The following CLIP2 variants were observed in gnomAD, a reference collection of about 807,000 sequenced individuals.
The protein encoded by CLIP2 is CAP-Gly domain-containing linker protein 2.
Under a neutral mutation model 111.7 loss-of-function variants are expected in CLIP2, and 41 were observed. That is an observed-to-expected ratio of 0.37 (90% CI 0.29 to 0.48). The LOEUF is 0.48. Among genes scored for constraint, CLIP2 ranks in the 20% least tolerant of loss-of-function variants. The pLI is 0.99. For synonymous variants in CLIP2, 660 were observed against 644.2 expected, an observed-to-expected ratio of 1.02 and a Z score of -0.37; for missense variants, 1,160 against 1,422.1, an observed-to-expected ratio of 0.82 and a Z score of 2.96.
chr7:74,334,362 G>T (rs1011622012), intron 2 of CLIP2, among the ~76,000 whole-genome samples: 5 of 152,106 alleles, frequency 3.3e-5, no homozygotes, highest in African/African-American at 4.8e-5. Context: ...GAAACAACTG[G>T]TCCCTGGGCC....
intron 6 of CLIP2, 47 bp from the exon 7 acceptor site, chr7:74,360,128 T>G (rs367722388): frequency 2.0e-6 from 3 of 1,494,518 alleles, no homozygotes; most frequent in African/African-American, 2.8e-5. Context: ...CTGGACCCCA[T>G]ACCCCGGAGC....
chr7:74,335,701 CTT>C (rs1789432305), intron 2 of CLIP2, among the ~76,000 whole-genome samples: 1 of 119,796 alleles, frequency 8.3e-6, no homozygotes, highest in Middle Eastern at 4.4e-3. Context: ...CTCTTTTTTT[CTT>C]TCTTTTTTTC....
At chr7:74,347,207 G>A (rs782107122) in intron 3 of CLIP2, among the ~76,000 whole-genome samples, 4 of 152,146 alleles carry the variant, frequency 2.6e-5, no homozygotes, top group Non-Finnish European at 4.4e-5. Context: ...GGATGACAGA[G>A]AATTATTGGA....
At chr7:74,339,086 C>T in intron 3 of CLIP2, 82 bp downstream of exon 3, 1 of 1,388,286 alleles carries the variant, frequency 7.2e-7, no homozygotes, top group Non-Finnish European at 9.7e-7. Context: ...CTGGACCCCC[C>T]TGGGCTGGGC....
chr7:74,386,043 C>CTTTTTTT (rs71519330), intron 11 of CLIP2, among the ~76,000 whole-genome samples: 1 of 124,076 alleles, frequency 8.1e-6, no homozygotes. Flanking sequence ...CGCCCAGCCT[C>CTTTTTTT]TTTTTTTTTT....
intron 1 of CLIP2, among the ~76,000 whole-genome samples, chr7:74,300,899 C>T (rs1564025384): frequency 6.6e-6 from 1 of 152,176 alleles, no homozygotes; most frequent in South Asian, 2.1e-4. Flanking sequence ...CATACCAGTG[C>T]TGGTATCCTT....
rs1463098392 is a variant in CLIP2 at position 74,405,031 on chromosome 7, C to T, written c.*1183C>T. On this transcript the variant is annotated 3_prime_UTR_variant, in exon 17 of 17. Coordinates refer to ENST00000223398, the MANE Select transcript of CLIP2 (RefSeq NM_003388.5). The stretch of plus-strand genomic sequence containing the variant: ...GTGTTTGCCACATGGAGCATCCCTT[C>T]CTGGTCTTGCCAGGCACCTGCACAG... 2 of 152,286 alleles carry T rather than the reference C, an allele frequency of 1.3e-5. No homozygotes were observed. The highest frequency in any genetic ancestry group is 6.5e-5 in the Admixed American group (1 of 15,276). The allele number at this position is 152,286 out of a possible 1,614,324, so 9.4% of individuals were successfully genotyped here.
chr7:74,363,241 A>G (rs1790383292), intron 7 of CLIP2, among the ~76,000 whole-genome samples: 1 of 152,110 alleles, frequency 6.6e-6, no homozygotes, highest in Admixed American at 6.5e-5. Context: ...ACCTCAGGTG[A>G]TCCGCCCACC....
Position 74,403,819 on chromosome 7 carries a change from GC to G in CLIP2, c.3130-15del. On this transcript the variant is annotated splice_polypyrimidine_tract_variant and intron_variant, in intron 16 of 16. Coordinates refer to ENST00000223398, the MANE Select transcript of CLIP2 (RefSeq NM_003388.5). ...GCTCTCTGAGACCCTTGCTGATGAT[GC>G]CCTTTACTCTCTCTAGGACAAGCAC... is the stretch of plus-strand genomic sequence containing the variant. 1 of 1,612,996 alleles carries G rather than the reference GC, an allele frequency of 6.2e-7. No homozygotes were observed. Among genetic ancestry groups the G allele is most frequent in the Non-Finnish European group, 8.5e-7 (1 of 1,179,692 alleles).
At chr7:74,346,679 C>T (rs1001370831) in intron 3 of CLIP2, among the ~76,000 whole-genome samples, 31 of 142,658 alleles carry the variant, frequency 2.2e-4, no homozygotes, top group Non-Finnish European at 3.9e-4. Context: ...GCTGAGATCA[C>T]GCTGCTGCAC....
chr7:74,399,535 C>CT (rs1320207309), intron 14 of CLIP2, among the ~76,000 whole-genome samples: 234 of 51,882 alleles, frequency 4.5e-3, no homozygotes, highest in Admixed American at 9.4e-3. Flanking sequence ...GAGACTCAGT[C>CT]TTTTTTTGGG....
intron 7 of CLIP2, among the ~76,000 whole-genome samples, chr7:74,362,116 A>G (rs2116621139): frequency 6.6e-6 from 1 of 151,654 alleles, no homozygotes; most frequent in African/African-American, 2.4e-5. Context: ...AAAAAAAAAA[A>G]GTCACAAGTG....
rs2528483 is a variant in CLIP2, at chr7:74,305,865, A to T, written c.-67-11615A>T. Among the ~76,000 whole-genome samples, 4 of 75,076 alleles carry T rather than the reference A, an allele frequency of 5.3e-5. 2 individuals are homozygous for T. Among genetic ancestry groups the T allele is most frequent in the East Asian group, 7.9e-4 (2 of 2,526 alleles). 49.3% of individuals were successfully genotyped at this position (75,076 alleles called of 152,430 possible). A position where few individuals can be genotyped will look rare whatever the true frequency, so the allele number is the denominator to read the frequency against. Reference sequence around the variant, plus strand: ...TCTCCCTGCACCCCAACCCCCCCCCACCGCCCCTGCTGCCAGTTCACCATC... The same window carrying T: ...TCTCCCTGCACCCCAACCCCCCCCCTCCGCCCCTGCTGCCAGTTCACCATC... On this transcript the variant is annotated intron_variant, in intron 1 of 16. Coordinates refer to ENST00000223398, the MANE Select transcript of CLIP2 (RefSeq NM_003388.5).
rs782019118 is a variant in CLIP2 at position 74,401,744 on chromosome 7, T to C, written c.3129+177T>C. The stretch of plus-strand genomic sequence containing the variant: ...ACTTGATTCCAGATTCACCCTGCTC[T>C]TTTTGATTTGTGTTTTCTTCCCTTC... On this transcript the variant is annotated intron_variant, in intron 16 of 16. Coordinates refer to ENST00000223398, the MANE Select transcript of CLIP2 (RefSeq NM_003388.5). 9.0e-5 allele frequency: 66 copies of C among 731,426 alleles called. No homozygotes were observed. In the Admixed American group the frequency reaches 1.1e-3, roughly 12 times the overall value. The allele number at this position is 731,426 out of a possible 1,614,324, so 45.3% of individuals were successfully genotyped here.
At position 74,400,414 on chromosome 7, in the gene CLIP2, C is replaced by T. The variant is rs200262099; in HGVS notation, c.2925C>T (p.Ile975=). Residue 975 remains isoleucine, a synonymous_variant, in exon 15 of 17, where the codon ATC becomes ATT. Coordinates refer to ENST00000223398, the MANE Select transcript of CLIP2 (RefSeq NM_003388.5). ...SLSDQRRYSL[I]DRSSAPELLR... Reference sequence around the variant, plus strand: ...CGGATCAGAGGCGCTACTCCCTCATCGACCGGTCCTCGGCGCCCGAGCTTC... The same window carrying T: ...CGGATCAGAGGCGCTACTCCCTCATTGACCGGTCCTCGGCGCCCGAGCTTC... 17 of 1,613,670 alleles carry T rather than the reference C, an allele frequency of 1.1e-5. No homozygotes were observed. In the East Asian group the frequency reaches 1.1e-4, roughly 11 times the overall value.
chr7:74,382,986 G>A (rs202130278), intron 11 of CLIP2, among the ~76,000 whole-genome samples: 2 of 151,156 alleles, frequency 1.3e-5, no homozygotes, highest in Non-Finnish European at 2.9e-5. Context: ...AAGGTGAGGC[G>A]GGAGGATCTC....
intron 2 of CLIP2, among the ~76,000 whole-genome samples, chr7:74,334,115 G>C (rs1789378808): frequency 6.6e-6 from 1 of 152,198 alleles, no homozygotes; most frequent in African/African-American, 2.4e-5. Flanking sequence ...GGGAAGGCCA[G>C]ACTTGGCTCG....
chr7:74,343,087 T>C (rs551152899), intron 3 of CLIP2, among the ~76,000 whole-genome samples: 2 of 143,668 alleles, frequency 1.4e-5, no homozygotes, highest in South Asian at 4.4e-4. Context: ...ACTCAGGAGG[T>C]TGAGGCAGGA....
chr7:74,343,824 G>A (rs508172), intron 3 of CLIP2, among the ~76,000 whole-genome samples: 91,984 of 150,686 alleles, frequency 0.61, 30,064 homozygotes, highest in Middle Eastern at 0.75. Flanking sequence ...GATCACTTGA[G>A]CTCAGGGGGT....
Sources: gnomAD v4.1 joint callset for allele counts (sites outside exome capture counted in the v4.1 genomes callset) on GRCh38, gnomAD v4.1.1 for gene constraint, MANE v1.5 for transcripts, NCBI Gene and HGNC (gene_info 2026-07-23, HGNC 2026-07-21) for gene names.